The following MORC1 variants were observed in gnomAD, a reference collection of about 807,000 sequenced individuals.
The protein encoded by MORC1 is MORC family CW-type zinc finger protein 1.
A neutral mutation model predicts 134.9 loss-of-function variants in MORC1; 59 were observed. That is an observed-to-expected ratio of 0.44 (90% CI 0.35 to 0.54). The LOEUF is 0.54. MORC1 is among the 20% of genes least tolerant of loss of function. The pLI is 0.00. For missense variants in MORC1, 947 were observed against 1,134.5 expected (o/e 0.83, Z 2.37); for synonymous variants, 395 against 391.7 (o/e 1.01, Z -0.10).
chr3:109,093,360 C>T, intron 8 of MORC1, 76 bp downstream of exon 8: 2 of 1,116,738 alleles, frequency 1.8e-6, no homozygotes, highest in East Asian at 2.4e-5. Context: ...GACCTCAGAC[C>T]TGGAGCCAGG....
At chr3:108,976,691 A>T (rs761772380) in intron 24 of MORC1, among the ~76,000 whole-genome samples, 1 of 152,200 alleles carries the variant, frequency 6.6e-6, no homozygotes, top group Non-Finnish European at 1.5e-5. Flanking sequence ...TAAAATAATC[A>T]CCATACAAAA....
At position 109,007,073 on chromosome 3, in the gene MORC1, C is replaced by A. The variant is rs1190773528; in HGVS notation, c.1723G>T (p.Asp575Tyr). Residue 575 changes from aspartate (D) to tyrosine (Y), a missense_variant, in exon 18 of 28, where the codon GAC becomes TAC. By Grantham distance (160) the Asp-to-Tyr change is radical. Transcript: ENST00000232603. Reference sequence around the variant, plus strand: ...CAGGTGGAAGTGACAGTGATTTCGTCCACTGGTATAAATTGAGGCTTTATG... The same window carrying A: ...CAGGTGGAAGTGACAGTGATTTCGTACACTGGTATAAATTGAGGCTTTATG... ...QQPQPQFIPVDEITVTSTCLT... is the reference protein window; with the variant it reads ...QQPQPQFIPVYEITVTSTCLT... 1 of 1,611,594 alleles carries A rather than the reference C, an allele frequency of 6.2e-7. No homozygotes were observed. The highest frequency in any genetic ancestry group is 1.7e-5 in the Admixed American group (1 of 59,560).
chr3:109,067,447 A>G (rs11712391), intron 9 of MORC1, among the ~76,000 whole-genome samples: 33,351 of 152,142 alleles, frequency 0.22, 4,690 homozygotes, highest in African/African-American at 0.4. Flanking sequence ...AGTCCCTTCC[A>G]TTGCAATATA....
intron 18 of MORC1, among the ~76,000 whole-genome samples, chr3:109,006,228 C>A (rs1948536041): frequency 6.6e-6 from 1 of 152,110 alleles, no homozygotes; most frequent in Admixed American, 6.6e-5. Flanking sequence ...ATGTGGTGAT[C>A]TTAGATAAAT....
intron 24 of MORC1, among the ~76,000 whole-genome samples, chr3:108,974,406 T>A (rs930630951): frequency 3.3e-5 from 5 of 152,224 alleles, no homozygotes; most frequent in African/African-American, 1.2e-4. Context: ...CTTTCTTGAA[T>A]GATATTCTTC....
chr3:109,100,290 G>A lies in MORC1; in HGVS notation c.314+127C>T. 4.3e-6 allele frequency: 3 copies of A among 704,832 alleles called. No homozygotes were observed. The South Asian group carries it at 5.3e-5, about 12-fold the overall frequency. 43.7% of individuals were successfully genotyped at this position (704,832 alleles called of 1,614,324 possible). A position where few individuals can be genotyped will look rare whatever the true frequency, so the allele number is the denominator to read the frequency against. On this transcript the variant is annotated intron_variant, in intron 5 of 27. Coordinates refer to ENST00000232603, the MANE Select transcript of MORC1 (RefSeq NM_014429.4). The stretch of plus-strand genomic sequence containing the variant: ...ATATGGAGATTCCAACACAAAGTAG[G>A]TCACCCCTGCCTCAAGTTTATATAT...
chr3:109,035,467 A>G lies in MORC1; in HGVS notation c.1332T>C (p.Asn444=), dbSNP rs1949354055. ...LVQYCKDTGI[N]NRNLTLFCNE... is the part of the protein sequence containing the mutation. ...TGCAAAACAATGTTAAATTTCTATT[A>G]TCTTTTAAAAAAAAAAGCAGGCAAA... The change falls in exon 15 of 28, where the codon AAT becomes AAC. Residue 444 remains asparagine, a splice_region_variant and synonymous_variant. Coordinates refer to ENST00000232603, the MANE Select transcript of MORC1 (RefSeq NM_014429.4). The G allele has an allele frequency of 1.5e-6, 2 of 1,332,248 alleles. No individual in the cohort carries two copies. Among genetic ancestry groups the G allele is most frequent in the Non-Finnish European group, 2.0e-6 (2 of 1,018,860 alleles). The allele number at this position is 1,332,248 out of a possible 1,614,324, so 82.5% of individuals were successfully genotyped here.
intron 9 of MORC1, among the ~76,000 whole-genome samples, chr3:109,068,531 G>A (rs1950248440): frequency 6.6e-6 from 1 of 152,142 alleles, no homozygotes; most frequent in Non-Finnish European, 1.5e-5. Context: ...TGCAAATGCT[G>A]TTAATTCATT....
chr3:109,075,730 C>T (rs189068445), intron 8 of MORC1, among the ~76,000 whole-genome samples: 1 of 152,170 alleles, frequency 6.6e-6, no homozygotes, highest in Non-Finnish European at 1.5e-5. Flanking sequence ...AGTCAGGTAG[C>T]ATGATGCCTC....
intron 8 of MORC1, among the ~76,000 whole-genome samples, chr3:109,090,813 T>C (rs1289737747): frequency 6.6e-6 from 1 of 152,034 alleles, no homozygotes; most frequent in Non-Finnish European, 1.5e-5. Flanking sequence ...GAAAATTACA[T>C]AGTTTCAAGA....
chr3:109,025,258 C>G (rs1949046070), intron 17 of MORC1, among the ~76,000 whole-genome samples: 1 of 151,972 alleles, frequency 6.6e-6, no homozygotes, highest in Non-Finnish European at 1.5e-5. Context: ...CCAAGTGTTC[C>G]TTTAGGTTGT....
chr3:109,000,552 C>T lies in MORC1; in HGVS notation c.2187+5G>A. The T allele has an allele frequency of 6.3e-7, 1 of 1,583,580 alleles. No homozygotes were observed. Among genetic ancestry groups the T allele is most frequent in the Non-Finnish European group, 8.6e-7 (1 of 1,162,084 alleles). On this transcript the variant is annotated splice_donor_5th_base_variant and intron_variant, in intron 21 of 27. Coordinates refer to ENST00000232603, the MANE Select transcript of MORC1 (RefSeq NM_014429.4). Reference sequence around the variant, plus strand: ...AGGTGTCATTTAGTGTATAGTTTATCTCACCAGGATTATATCTGAATCACT... The same window carrying T: ...AGGTGTCATTTAGTGTATAGTTTATTTCACCAGGATTATATCTGAATCACT...
At chr3:108,960,384 G>C (rs1035026000) in intron 27 of MORC1, among the ~76,000 whole-genome samples, 3 of 152,170 alleles carry the variant, frequency 2.0e-5, no homozygotes, top group East Asian at 3.9e-4. Context: ...ATGGGATCAC[G>C]ATCCTGAAGG....
At chr3:109,114,030 A>G (rs1951223179) in intron 2 of MORC1, among the ~76,000 whole-genome samples, 1 of 152,238 alleles carries the variant, frequency 6.6e-6, no homozygotes, top group Non-Finnish European at 1.5e-5. Context: ...TTTCTTAACT[A>G]TACAATTTGC....
chr3:109,017,099 C>T (rs1319805144), intron 17 of MORC1, among the ~76,000 whole-genome samples: 3 of 152,146 alleles, frequency 2.0e-5, no homozygotes, highest in Non-Finnish European at 2.9e-5. Context: ...TATTTCTTTA[C>T]TTTCCATTCA....
At chr3:108,987,628 G>T (rs2593965) in intron 21 of MORC1, among the ~76,000 whole-genome samples, 1 of 151,958 alleles carries the variant, frequency 6.6e-6, no homozygotes, top group Non-Finnish European at 1.5e-5. Flanking sequence ...GAGGCTGAGA[G>T]GGTGGGAGTG....
chr3:109,060,073 T>C (rs1559927788), intron 11 of MORC1, among the ~76,000 whole-genome samples: 4 of 152,102 alleles, frequency 2.6e-5, no homozygotes, highest in Non-Finnish European at 5.9e-5. Flanking sequence ...AACCCACTAT[T>C]CTCTTTTGTA....
At chr3:109,074,988 A>T (rs1950390398) in intron 8 of MORC1, among the ~76,000 whole-genome samples, 1 of 152,096 alleles carries the variant, frequency 6.6e-6, no homozygotes, top group Admixed American at 6.6e-5. Context: ...TCCCAACAGA[A>T]CTCAAGTCAC....
At chr3:108,987,228 A>C (rs938488575) in intron 21 of MORC1, among the ~76,000 whole-genome samples, 2 of 152,196 alleles carry the variant, frequency 1.3e-5, no homozygotes, top group African/African-American at 4.8e-5. Flanking sequence ...ATATTTTAAA[A>C]ATTGATATTA....
Sources: gnomAD v4.1 joint callset for allele counts (sites outside exome capture counted in the v4.1 genomes callset) on GRCh38, gnomAD v4.1.1 for gene constraint, MANE v1.5 for transcripts, NCBI Gene and HGNC (gene_info 2026-07-23, HGNC 2026-07-21) for gene names.